SLCO6A1: variants seen among roughly 807,000 people sequenced by gnomAD.
SLCO6A1 encodes the protein cancer/testis antigen 48.
SLCO6A1 carries 65 observed loss-of-function variants against 72.7 expected under a neutral mutation model. That is an observed-to-expected ratio of 0.89 (90% CI 0.73 to 1.10). SLCO6A1 has a LOEUF of 1.10. SLCO6A1 is among the 50% of genes least tolerant of loss of function. The pLI is 0.00. For missense variants in SLCO6A1, 874 were observed against 872.6 expected (o/e 1.00, Z -0.02); for synonymous variants, 314 against 298.2 (o/e 1.05, Z -0.55).
chr5:102,456,323 T>C (rs1750711859), intron 6 of SLCO6A1, among the ~76,000 whole-genome samples: 1 of 152,200 alleles, frequency 6.6e-6, no homozygotes, highest in African/African-American at 2.4e-5. Context: ...ATTGTCCCTG[T>C]TTGCAGATGA....
At position 102,480,177 on chromosome 5, in the gene SLCO6A1, C is replaced by A. The variant is rs760349807; in HGVS notation, c.616G>T (p.Asp206Tyr). 1.2e-6 allele frequency: 2 copies of A among 1,603,476 alleles called. No homozygotes were observed. The highest frequency in any genetic ancestry group is 2.2e-5 in the South Asian group (2 of 89,580). The change falls in exon 2 of 14, where the codon GAT (aspartate) becomes TAT (tyrosine). Residue 206 changes from aspartate (D) to tyrosine (Y), a missense_variant and splice_region_variant. Coordinates refer to ENST00000506729, the MANE Select transcript of SLCO6A1 (RefSeq NM_173488.5). ...ATGACAGTATATTTTAAAACCTTAC[C>A]TTCAATTCCTACCTTACTTTGTTTA... ...ENKQSKVGIE[D>Y]ICEEIKVVSG...
At chr5:102,446,497 G>C (rs1330611593) in intron 6 of SLCO6A1, among the ~76,000 whole-genome samples, 2 of 152,272 alleles carry the variant, frequency 1.3e-5, no homozygotes, top group East Asian at 3.9e-4. Context: ...TCTAGGTATA[G>C]TATTACATTG....
rs1372775988 is a variant in SLCO6A1 at position 102,498,689 on chromosome 5, T to C, written c.156A>G (p.Arg52=). 1 of 1,614,196 alleles carries C rather than the reference T, an allele frequency of 6.2e-7. No homozygotes were observed. Among genetic ancestry groups the C allele is most frequent in the Admixed American group, 1.7e-5 (1 of 60,028 alleles). The part of the protein sequence containing the change: ...SKPGKKHRYL[R]LLPEALIRFG... The stretch of plus-strand genomic sequence containing the variant: ...ACCTTATCAAGGCCTCTGGAAGTAG[T>C]CTCAGATACCGGTGTTTTTTCCCGG... The change falls in exon 1 of 14, where the codon AGA becomes AGG. Residue 52 remains arginine (R), a synonymous_variant. Coordinates refer to ENST00000506729, the MANE Select transcript of SLCO6A1 (RefSeq NM_173488.5).
intron 8 of SLCO6A1, 76 bp downstream of exon 8, chr5:102,419,750 T>G (rs1748484796): frequency 8.8e-7 from 1 of 1,133,892 alleles, no homozygotes; most frequent in Non-Finnish European, 1.3e-6. Context: ...GGTTACTGGA[T>G]AGATAATTAT....
At chr5:102,444,761 A>G (rs1750018531) in intron 6 of SLCO6A1, among the ~76,000 whole-genome samples, 1 of 152,122 alleles carries the variant, frequency 6.6e-6, no homozygotes, top group Admixed American at 6.5e-5. Context: ...GTTTTCTTTC[A>G]TTTTGTTTTC....
intron 6 of SLCO6A1, among the ~76,000 whole-genome samples, chr5:102,447,865 C>A (rs1233037117): frequency 6.6e-6 from 1 of 151,966 alleles, no homozygotes; most frequent in Non-Finnish European, 1.5e-5. Flanking sequence ...TTCTCATCTG[C>A]GTTTTGTTCA....
At chr5:102,424,882 C>T (rs747989529) in intron 7 of SLCO6A1, among the ~76,000 whole-genome samples, 1 of 152,080 alleles carries the variant, frequency 6.6e-6, no homozygotes, top group Non-Finnish European at 1.5e-5. Flanking sequence ...AAAATACTGG[C>T]AAACCGAATC....
At chr5:102,374,478 T>C (rs1745667976) in intron 12 of SLCO6A1, among the ~76,000 whole-genome samples, 1 of 152,078 alleles carries the variant, frequency 6.6e-6, no homozygotes, top group Admixed American at 6.6e-5. Flanking sequence ...TTTTTAGAAA[T>C]GGGATCTTGC....
chr5:102,463,746 C>T lies in SLCO6A1; in HGVS notation c.900-3969G>A, dbSNP rs190931848. ...TACTGAAAACACAAAATTAGCCGGG[C>T]GTGATGGCGCATGCCTGTAATCCCA... On this transcript the variant is annotated intron_variant, in intron 4 of 13. Transcript: ENST00000506729. Among the ~76,000 whole-genome samples, 1,236 of 152,122 alleles carry T rather than the reference C, an allele frequency of 8.1e-3. 12 individuals carry two copies. The highest frequency in any genetic ancestry group is 0.015 in the Non-Finnish European group (1,008 of 67,994).
intron 8 of SLCO6A1, 109 bp downstream of exon 8, chr5:102,419,717 C>A: frequency 3.5e-6 from 3 of 867,002 alleles, no homozygotes; most frequent in Non-Finnish European, 5.2e-6. Context: ...TTGATAATTC[C>A]AATAATTATA....
At chr5:102,449,457 G>T (rs1750295363) in intron 6 of SLCO6A1, among the ~76,000 whole-genome samples, 1 of 151,904 alleles carries the variant, frequency 6.6e-6, no homozygotes, top group South Asian at 2.1e-4. Flanking sequence ...CACAATCTCG[G>T]CTCACTGCAA....
intron 10 of SLCO6A1, among the ~76,000 whole-genome samples, chr5:102,396,723 T>C (rs1260392477): frequency 6.6e-6 from 1 of 152,078 alleles, no homozygotes; most frequent in African/African-American, 2.4e-5. Context: ...CCACAGGAAA[T>C]TGTAAAAATA....
chr5:102,377,295 A>G (rs1340105258), intron 12 of SLCO6A1, among the ~76,000 whole-genome samples: 1 of 152,206 alleles, frequency 6.6e-6, no homozygotes, highest in East Asian at 1.9e-4. Flanking sequence ...GTACTCAGCA[A>G]TTTCTATAAA....
chr5:102,452,155 C>A lies in SLCO6A1; in HGVS notation c.1131+6227G>T, dbSNP rs571078113. 2.6e-5 allele frequency among the ~76,000 whole-genome samples: 4 copies of A among 152,194 alleles called. No homozygotes were observed. The East Asian group carries it at 7.7e-4, about 29-fold the overall frequency. The stretch of plus-strand genomic sequence containing the variant: ...TGACACTTCCTTATTCATCTGAGTC[C>A]TATTATGCAAATATATAGTCCCTGT... On this transcript the variant is annotated intron_variant, in intron 6 of 13. Coordinates refer to ENST00000506729, the MANE Select transcript of SLCO6A1 (RefSeq NM_173488.5).
chr5:102,402,031 C>T (rs1043212883), intron 9 of SLCO6A1, among the ~76,000 whole-genome samples: 4 of 151,918 alleles, frequency 2.6e-5, no homozygotes, highest in African/African-American at 9.7e-5. Flanking sequence ...AATCAGAAGA[C>T]ATTGGGCTCT....
chr5:102,413,661 G>A (rs1580380196), intron 8 of SLCO6A1, among the ~76,000 whole-genome samples: 1 of 152,098 alleles, frequency 6.6e-6, no homozygotes, highest in African/African-American at 2.4e-5. Flanking sequence ...TCATGCAGTA[G>A]GTGTTCACTT....
rs143044710 is a variant in SLCO6A1, at chr5:102,419,902, G to A, written c.1396C>T (p.Leu466Phe). The A allele has an allele frequency of 2.5e-6, 4 of 1,608,652 alleles. No homozygotes were observed. The highest frequency in any genetic ancestry group is 1.3e-5 in the African/African-American group (1 of 74,734). The change falls in exon 8 of 14, where the codon CTT (leucine) becomes TTT (phenylalanine). Residue 466 changes from leucine to phenylalanine, a missense_variant. Leu to Phe is a conservative substitution (Grantham distance 22). Transcript: ENST00000506729. ...RFIMVTSVIS[L>F]ILLVFIIFVR... ...AAAATAATAAACACAAGCAGTATAA[G>A]TGATATCACAGATGTAACCATTATA... is the stretch of plus-strand genomic sequence containing the variant.
chr5:102,453,840 T>G (rs1750561607), intron 6 of SLCO6A1, among the ~76,000 whole-genome samples: 1 of 152,156 alleles, frequency 6.6e-6, no homozygotes, highest in Non-Finnish European at 1.5e-5. Flanking sequence ...CACTTTTTGC[T>G]GAGGGGATCT....
At position 102,490,068 on chromosome 5, in the gene SLCO6A1, T is replaced by C. The variant is rs151204588; in HGVS notation, c.358+8419A>G. ...CTTACAGAAGTAAAGAGTAGAATAA[T>C]GGTTACTAGAGGCTGGAGAGGGTGG... On this transcript the variant is annotated intron_variant, in intron 1 of 13. Coordinates refer to ENST00000506729, the MANE Select transcript of SLCO6A1 (RefSeq NM_173488.5). 3.3e-5 allele frequency among the ~76,000 whole-genome samples: 5 copies of C among 152,252 alleles called. No individual in the cohort carries two copies. In the East Asian group the frequency reaches 9.7e-4, roughly 29 times the overall value.
Sources: allele counts gnomAD v4.1 joint callset (sites outside exome capture counted in the v4.1 genomes callset), GRCh38; gene constraint gnomAD v4.1.1; transcripts MANE v1.5; gene names NCBI Gene and HGNC (gene_info 2026-07-23, HGNC 2026-07-21).